CABP1: variants seen among roughly 807,000 people sequenced by gnomAD.
CABP1 encodes calcium binding protein 1.
Under a neutral mutation model 34.3 loss-of-function variants are expected in CABP1, and 17 were observed. The observed-to-expected ratio is 0.50, with a 90% CI of 0.34 to 0.74. The LOEUF (loss-of-function observed/expected upper bound fraction) is 0.74. Ranked by LOEUF, CABP1 falls within the 30% of genes least tolerant of loss-of-function variation. The pLI is 0.01. For missense variants in CABP1, 373 were observed against 511.1 expected, an observed-to-expected ratio of 0.73 and a Z score of 2.61; for synonymous variants, 198 against 229.2, an observed-to-expected ratio of 0.86 and a Z score of 1.23.
In CABP1 at chr12:120,643,335, T is replaced by A. The variant is rs556997188; in HGVS notation, c.654+1996T>A. On this transcript the variant is annotated intron_variant, in intron 1 of 5. Transcript: ENST00000316803. Reference sequence around the variant, plus strand: ...AACAACAGCAAACCCAGGCTGGGACTTTCGTGTCAGAGCCTCCAGTCTCCT... The same window carrying A: ...AACAACAGCAAACCCAGGCTGGGACATTCGTGTCAGAGCCTCCAGTCTCCT... Among the ~76,000 whole-genome samples the A allele has an allele frequency of 2.0e-4, 30 of 152,348 alleles. 1 individual carries two copies. In the South Asian group the frequency reaches 4.6e-3, roughly 23 times the overall value.
intron 1 of CABP1, among the ~76,000 whole-genome samples, chr12:120,643,302 A>G (rs1253009324): frequency 1.3e-5 from 2 of 152,322 alleles, no homozygotes; most frequent in East Asian, 1.9e-4. Context: ...GAAGTCATCT[A>G]CGTGAGCAAC....
Position 120,660,185 on chromosome 12 carries a change from C to G in CABP1, c.686-11C>G. The G allele has an allele frequency of 6.2e-7, 1 of 1,613,956 alleles. No individual in the cohort carries two copies. The highest frequency in any genetic ancestry group is 8.5e-7 in the Non-Finnish European group (1 of 1,179,872). On this transcript the variant is annotated splice_polypyrimidine_tract_variant and intron_variant, in intron 2 of 5. Coordinates refer to ENST00000316803, the MANE Select transcript of CABP1 (RefSeq NM_001033677.2). This position sits in a 1 kb window ranked among gnomAD's most constrained non-coding sequence, Gnocchi z 5.0. ...ACCCCTGACCACATCCACCTTTGCT[C>G]ACTTCCCCAGAGCTCCGAGAGGCCT...
downstream of CABP1, among the ~76,000 whole-genome samples, chr12:120,671,204 G>A (rs1367531051): frequency 6.6e-6 from 1 of 151,994 alleles, no homozygotes; most frequent in Non-Finnish European, 1.5e-5. Flanking sequence ...TCAGGAGTTC[G>A]AGACCAGCCT....
At chr12:120,651,631 T>A (rs1879852266) in intron 1 of CABP1, among the ~76,000 whole-genome samples, 1 of 152,216 alleles carries the variant, frequency 6.6e-6, no homozygotes, top group Non-Finnish European at 1.5e-5. Flanking sequence ...ACCTATGGCC[T>A]CGGGTGAGCT....
At chr12:120,671,298 G>A (rs1881244766), downstream of CABP1, among the ~76,000 whole-genome samples, 1 of 152,164 alleles carries the variant, frequency 6.6e-6, no homozygotes, top group African/African-American at 2.4e-5. Flanking sequence ...CCAGCTACTC[G>A]GGAGGCTGAG....
At chr12:120,677,289 T>C in the CABP1 span, among the ~76,000 whole-genome samples, 2 of 151,888 alleles carry the variant, frequency 1.3e-5, no homozygotes, top group Non-Finnish European at 2.9e-5. Flanking sequence ...AGTTTCACCA[T>C]GTTGACCAGG....
At position 120,661,352 on chromosome 12, in the gene CABP1, C is replaced by T; in HGVS notation, c.1087+134C>T. Reference sequence around the variant, plus strand: ...CCCCAGCCCTTTCATCCTCTTATCCCTCCGTCCATGCCCCCGTCTAATCCA... The same window carrying T: ...CCCCAGCCCTTTCATCCTCTTATCCTTCCGTCCATGCCCCCGTCTAATCCA... On this transcript the variant is annotated intron_variant, in intron 5 of 5. Coordinates refer to ENST00000316803, the MANE Select transcript of CABP1 (RefSeq NM_001033677.2). This position sits in a 1 kb window ranked among gnomAD's most constrained non-coding sequence, Gnocchi z 5.1. The T allele has an allele frequency of 1.1e-6, 1 of 927,668 alleles. No homozygotes were observed. The highest frequency in any genetic ancestry group is 1.6e-6 in the Non-Finnish European group (1 of 629,436). The allele number at this position is 927,668 out of a possible 1,614,324, so 57.5% of individuals were successfully genotyped here.
the CABP1 span, among the ~76,000 whole-genome samples, chr12:120,674,715 CCGT>C: frequency 6.6e-6 from 1 of 152,096 alleles, no homozygotes; most frequent in Non-Finnish European, 1.5e-5. Context: ...TGGTGAAACC[CCGT>C]CTCTACTAAA....
rs945763849 is a variant in CABP1 at position 120,640,903 on chromosome 12, AGGCGGC to A, written c.232_237del (p.Ala78_Ala79del). 6.4e-6 allele frequency: 7 copies of A among 1,097,736 alleles called. No individual in the cohort carries two copies. The highest frequency in any genetic ancestry group is 7.7e-6 in the Non-Finnish European group (7 of 903,572). The allele number at this position is 1,097,736 out of a possible 1,614,324, so 68.0% of individuals were successfully genotyped here. On this transcript the variant is annotated inframe_deletion, in exon 1 of 6. Transcript: ENST00000316803. The surrounding 1 kb of genome is among the most constrained non-coding windows in gnomAD (Gnocchi z 6.2). ...AGCGAGTCCAAGACGTCGCTGCTGA[AGGCGGC>A]GGCGGCGGCGGCGAGCGGGGGCAGC...
At chr12:120,646,939 A>C (rs571863981) in intron 1 of CABP1, among the ~76,000 whole-genome samples, 17 of 152,204 alleles carry the variant, frequency 1.1e-4, no homozygotes, top group Non-Finnish European at 2.1e-4. Context: ...TGCTATCCTC[A>C]AACCTCAAGG....
At position 120,640,719 on chromosome 12, in the gene CABP1, C is replaced by T. The variant is rs1341149712; in HGVS notation, c.34C>T (p.Pro12Ser). Residue 12 changes from proline (P) to serine (S), a missense_variant, in exon 1 of 6, where the codon CCG becomes TCG. Physicochemically the swap from Pro to Ser is moderately conservative, Grantham distance 74. Coordinates refer to ENST00000316803, the MANE Select transcript of CABP1 (RefSeq NM_001033677.2). The surrounding 1 kb of genome is among the most constrained non-coding windows in gnomAD (Gnocchi z 6.2). ...GGGDGAAFKR[P>S]GDGARLQRVL... ...CGGCGACGGGGCCGCATTTAAGCGG[C>T]CGGGGGACGGCGCCCGCCTCCAGCG... 14 of 1,185,650 alleles carry T rather than the reference C, an allele frequency of 1.2e-5. No individual in the cohort carries two copies. The East Asian group carries it at 2.9e-4, about 25-fold the overall frequency. The allele number at this position is 1,185,650 out of a possible 1,614,324, so 73.4% of individuals were successfully genotyped here.
At chr12:120,677,653 T>C in the CABP1 span, among the ~76,000 whole-genome samples, 1 of 152,140 alleles carries the variant, frequency 6.6e-6, no homozygotes, top group African/African-American at 2.4e-5. Context: ...GCGATCCACC[T>C]GCCTCAGCCT....
intron 1 of CABP1, chr12:120,656,101 G>A (rs1880187622): frequency 6.2e-7 from 1 of 1,614,072 alleles, no homozygotes; most frequent in African/African-American, 1.3e-5. Flanking sequence ...AGATGTGCCA[G>A]GAGGAACAGA....
chr12:120,642,994 T>TAAAAAAAAAA (rs1565993342), intron 1 of CABP1, among the ~76,000 whole-genome samples: 7 of 7,322 alleles, frequency 9.6e-4, no homozygotes, highest in Admixed American at 5.4e-3. Flanking sequence ...ACTCAGCTCC[T>TAAAAAAAAAA]GAAAAAAAAA....
chr12:120,650,643 C>A (rs1879786657), intron 1 of CABP1: 1 of 1,613,862 alleles, frequency 6.2e-7, no homozygotes, highest in African/African-American at 1.3e-5. Context: ...TTAGGATGGG[C>A]AACTGTGTCA....
chr12:120,655,834 T>C (rs1012921884), intron 1 of CABP1: 41 of 784,158 alleles, frequency 5.2e-5, no homozygotes, highest in Middle Eastern at 3.0e-4. Context: ...TGCGTGCGTG[T>C]GTGTGTGTGT....
At position 120,652,915 on chromosome 12, in the gene CABP1, CG is replaced by C. The variant is rs546287956; in HGVS notation, c.655-6961del. ...GTTGCTGCCCACTTGGCTTCCTGAGCGGTATCTGGGGAACTGGAAATGGTGA... is the reference window on the plus strand; with the variant it reads ...GTTGCTGCCCACTTGGCTTCCTGAGCGTATCTGGGGAACTGGAAATGGTGA... On this transcript the variant is annotated intron_variant, in intron 1 of 5. Transcript: ENST00000316803. Among the ~76,000 whole-genome samples, 10 of 152,164 alleles carry C rather than the reference CG, an allele frequency of 6.6e-5. No homozygotes were observed. In the East Asian group the frequency reaches 1.9e-3, roughly 29 times the overall value.
chr12:120,649,154 C>T (rs1879688440), intron 1 of CABP1, among the ~76,000 whole-genome samples: 1 of 152,114 alleles, frequency 6.6e-6, no homozygotes. Context: ...GCAGCAGCAC[C>T]GGGGAGGTCC....
intron 1 of CABP1, chr12:120,655,881 C>T: frequency 6.5e-7 from 1 of 1,536,130 alleles, no homozygotes. Context: ...GCATCACATT[C>T]AGCTCTCCCC....
Sources: gnomAD v4.1 joint callset for allele counts (sites outside exome capture counted in the v4.1 genomes callset) on GRCh38, gnomAD v4.1.1 for gene constraint, Gnocchi (gnomAD v3.1) non-coding constraint, MANE v1.5 for transcripts, NCBI Gene and HGNC (gene_info 2026-07-23, HGNC 2026-07-21) for gene names.